The following PPP1R37 variants were observed in gnomAD, a reference collection of about 807,000 sequenced individuals.
PPP1R37 encodes leucine rich repeat containing 68.
PPP1R37 carries 21 observed loss-of-function variants against 61.0 expected under a neutral mutation model. That is an observed-to-expected ratio of 0.34 (90% CI 0.24 to 0.50). PPP1R37 has a LOEUF of 0.50. Among genes scored for constraint, PPP1R37 ranks in the 20% least tolerant of loss-of-function variants. PPP1R37 has a pLI of 0.98. For synonymous variants in PPP1R37, 443 were observed against 433.5 expected (o/e 1.02, Z -0.27); for missense variants, 910 against 952.7 (o/e 0.96, Z 0.59).
intron 11 of PPP1R37, 28 bp from the exon 12 acceptor site, chr19:45,146,361 CG>C: frequency 1.3e-6 from 2 of 1,528,248 alleles, no homozygotes; most frequent in South Asian, 1.2e-5. Flanking sequence ...ACCCGCCTGA[CG>C]GGGGTGCTGG....
At chr19:45,120,225 G>T (rs1371386515) in intron 1 of PPP1R37, among the ~76,000 whole-genome samples, 1 of 152,018 alleles carries the variant, frequency 6.6e-6, no homozygotes, top group East Asian at 1.9e-4. Flanking sequence ...CACTGTGTTA[G>T]CCAGGATGGT....
In PPP1R37 at chr19:45,113,294, C is replaced by T. The variant is rs1968224370; in HGVS notation, c.202+19767C>T. Among the ~76,000 whole-genome samples, 2 of 152,246 alleles carry T rather than the reference C, an allele frequency of 1.3e-5. 1 individual carries two copies. The highest frequency in any genetic ancestry group is 1.3e-4 in the Admixed American group (2 of 15,290). ...AGCAGTTAGGGCTGTATGGGGGCCA[C>T]TGTGGGCCTGTAGATTCGTAACAGG... On this transcript the variant is annotated intron_variant, in intron 1 of 12. Transcript: ENST00000221462.
At chr19:45,102,000 T>C (rs984435386) in intron 1 of PPP1R37, among the ~76,000 whole-genome samples, 1 of 152,226 alleles carries the variant, frequency 6.6e-6, no homozygotes, top group Non-Finnish European at 1.5e-5. Flanking sequence ...CCTTCTCTCC[T>C]TGGATCTGAG....
intron 1 of PPP1R37, among the ~76,000 whole-genome samples, chr19:45,096,486 A>C (rs1450134894): frequency 6.6e-6 from 1 of 152,174 alleles, no homozygotes; most frequent in Non-Finnish European, 1.5e-5. Flanking sequence ...GAAGTAAGAT[A>C]GTCCTCATAA....
At chr19:45,141,928 C>A in intron 5 of PPP1R37, 133 bp from the exon 6 acceptor site, 2 of 1,004,070 alleles carry the variant, frequency 2.0e-6, no homozygotes, top group Non-Finnish European at 2.8e-6. Flanking sequence ...CAGACGACAG[C>A]TGTGGCTTCG....
At chr19:45,140,659 G>C in intron 4 of PPP1R37, 53 bp downstream of exon 4, 1 of 1,393,778 alleles carries the variant, frequency 7.2e-7, no homozygotes, top group Non-Finnish European at 9.8e-7. Context: ...GGGCCCCTTC[G>C]AGGTTTGGGT....
chr19:45,140,789 G>T, intron 4 of PPP1R37, 183 bp downstream of exon 4: 7 of 593,070 alleles, frequency 1.2e-5, no homozygotes, highest in Admixed American at 2.9e-5. Context: ...GGATGTGGAG[G>T]GCGCGTTGGG....
intron 1 of PPP1R37, among the ~76,000 whole-genome samples, chr19:45,128,336 A>AT (rs1211585132): frequency 6.6e-6 from 1 of 152,198 alleles, no homozygotes; most frequent in African/African-American, 2.4e-5. Flanking sequence ...ATTTGTTTAT[A>AT]TACTATCTAT....
At chr19:45,139,666 G>C (rs1269018317) in intron 2 of PPP1R37, among the ~76,000 whole-genome samples, 2 of 152,248 alleles carry the variant, frequency 1.3e-5, no homozygotes, top group Non-Finnish European at 2.9e-5. Context: ...TCAGGTCCCA[G>C]GAAGGGTGGC....
At chr19:45,098,117 G>T (rs1397362148) in intron 1 of PPP1R37, among the ~76,000 whole-genome samples, 1 of 152,232 alleles carries the variant, frequency 6.6e-6, no homozygotes, top group Non-Finnish European at 1.5e-5. Context: ...AGCCAGGTGT[G>T]TGTAGATGGG....
chr19:45,106,231 GTTTTGT>G (rs896132344), intron 1 of PPP1R37, among the ~76,000 whole-genome samples: 2 of 151,972 alleles, frequency 1.3e-5, no homozygotes, highest in Admixed American at 1.3e-4. Flanking sequence ...CCCTCCAGCT[GTTTTGT>G]TTTTGTTTTT....
intron 1 of PPP1R37, among the ~76,000 whole-genome samples, 166 bp downstream of exon 1, chr19:45,093,693 TGGAGTTG>T (rs1555738395): frequency 3.9e-5 from 6 of 152,092 alleles, no homozygotes; most frequent in Non-Finnish European, 8.8e-5. Flanking sequence ...GGGGTGGCTA[TGGAGTTG>T]GGAAGGTGAA....
At chr19:45,140,120 T>C in intron 2 of PPP1R37, 116 bp from the exon 3 acceptor site, 1 of 892,828 alleles carries the variant, frequency 1.1e-6, no homozygotes, top group Admixed American at 2.1e-5. Flanking sequence ...GTTCAGTGCC[T>C]TCGCCCAAAC....
chr19:45,125,506 C>T (rs912573209), intron 1 of PPP1R37, among the ~76,000 whole-genome samples: 6 of 152,130 alleles, frequency 3.9e-5, no homozygotes, highest in Non-Finnish European at 8.8e-5. Flanking sequence ...TGGCTTCATT[C>T]GCGGAAGGCT....
chr19:45,136,570 A>G (rs1365529865), intron 1 of PPP1R37, among the ~76,000 whole-genome samples: 2 of 152,104 alleles, frequency 1.3e-5, no homozygotes, highest in Non-Finnish European at 2.9e-5. Context: ...CACCAAGCAC[A>G]TGGGCCTTTG....
intron 1 of PPP1R37, chr19:45,129,144 A>G: frequency 2.6e-6 from 1 of 389,830 alleles, no homozygotes; most frequent in East Asian, 7.2e-5. Context: ...TTGATGTTTT[A>G]TTTTGTTTTT....
intron 1 of PPP1R37, among the ~76,000 whole-genome samples, chr19:45,126,868 T>C (rs564332850): frequency 2.0e-5 from 3 of 152,358 alleles, no homozygotes; most frequent in Admixed American, 2.0e-4. Context: ...GGGAGCCTTC[T>C]GAGTCAGCAC....
In PPP1R37 at chr19:45,119,801, C is replaced by T. The variant is rs1260530547; in HGVS notation, c.203-18713C>T. 2.6e-5 allele frequency among the ~76,000 whole-genome samples: 4 copies of T among 152,072 alleles called. 1 individual carries two copies. The highest frequency in any genetic ancestry group is 5.9e-5 in the Non-Finnish European group (4 of 68,010). ...CATGAGAGGTGGTGGGTGTGGTGCT[C>T]AGAGAAGAGCCAGCTCCACCCCCCA... On this transcript the variant is annotated intron_variant, in intron 1 of 12. Coordinates refer to ENST00000221462, the MANE Select transcript of PPP1R37 (RefSeq NM_019121.2).
At chr19:45,108,212 G>T (rs945959475) in intron 1 of PPP1R37, among the ~76,000 whole-genome samples, 2 of 151,958 alleles carry the variant, frequency 1.3e-5, no homozygotes, top group African/African-American at 4.8e-5. Context: ...TGCTTTTGAG[G>T]TTTAAACCAT....
Sources: gnomAD v4.1 joint callset for allele counts (sites outside exome capture counted in the v4.1 genomes callset) on GRCh38, gnomAD v4.1.1 for gene constraint, MANE v1.5 for transcripts, NCBI Gene and HGNC (gene_info 2026-07-23, HGNC 2026-07-21) for gene names.